CDR2L: variants seen among roughly 807,000 people sequenced by gnomAD.
CDR2L encodes cerebellar degeneration related protein 2 like.
A neutral mutation model predicts 36.1 loss-of-function variants in CDR2L; 19 were observed. The ratio of observed to expected loss-of-function variants is 0.53; its 90% CI spans 0.37 to 0.77. CDR2L has a LOEUF of 0.77. CDR2L is among the 30% of genes least tolerant of loss of function. The pLI is 0.00. For missense variants in CDR2L, 575 were observed against 627.2 expected (o/e 0.92, Z 0.89); for synonymous variants, 285 against 280.4 (o/e 1.02, Z -0.16).
At chr17:74,996,134 C>A (rs2039823920) in intron 1 of CDR2L, among the ~76,000 whole-genome samples, 1 of 150,862 alleles carries the variant, frequency 6.6e-6, no homozygotes, top group South Asian at 2.1e-4. Context: ...ATTTTTATCA[C>A]CCTGCCTCGT....
At chr17:74,988,635 A>G (rs748800636) in intron 1 of CDR2L, among the ~76,000 whole-genome samples, 4 of 152,202 alleles carry the variant, frequency 2.6e-5, no homozygotes, top group Non-Finnish European at 5.9e-5. Flanking sequence ...CTCAGGGAGA[A>G]GTGGTACCGC....
At position 74,989,287 on chromosome 17, in the gene CDR2L, G is replaced by A. The variant is rs1156694339; in HGVS notation, c.79+1165G>A. On this transcript the variant is annotated intron_variant, in intron 1 of 4. Transcript: ENST00000337231. The surrounding 1 kb of genome is among the most constrained non-coding windows in gnomAD (Gnocchi z 4.2). ...GCTCTGTCCTTGTGCTGAGGACAAG[G>A]GTTAATCATAGCCTCAGGGGGACCA... Among the ~76,000 whole-genome samples, 1 of 152,160 alleles carries A rather than the reference G, an allele frequency of 6.6e-6. No individual in the cohort carries two copies. The highest frequency in any genetic ancestry group is 2.4e-5 in the African/African-American group (1 of 41,426).
rs956192235 is a variant in CDR2L, at chr17:75,003,218, T to C, written c.542T>C (p.Leu181Pro). Residue 181 changes from leucine to proline, a missense_variant, in exon 5 of 5, where the codon CTG (leucine) becomes CCG (proline). Physicochemically the swap from Leu to Pro is moderately conservative, Grantham distance 98 (BLOSUM62 -3). Transcript: ENST00000337231. ...KDAFRLHSSSLELGPRPLEQE... is the reference protein window; with the variant it reads ...KDAFRLHSSSPELGPRPLEQE... ...GCTTTCCGCCTACACAGTTCCTCCC[T>C]GGAGCTGGGCCCGCGGCCCCTGGAG... is the stretch of plus-strand genomic sequence containing the variant. 13 of 1,566,714 alleles carry C rather than the reference T, an allele frequency of 8.3e-6. No individual in the cohort carries two copies. Among genetic ancestry groups the C allele is most frequent in the Non-Finnish European group, 9.5e-6 (11 of 1,156,838 alleles).
Position 75,003,773 on chromosome 17 carries a change from A to G in CDR2L, c.1097A>G (p.Lys366Arg). 6.6e-7 allele frequency: 1 copy of G among 1,513,358 alleles called. No homozygotes were observed. The highest frequency in any genetic ancestry group is 2.0e-4 in the Middle Eastern group (1 of 5,010). 93.7% of individuals were successfully genotyped at this position (1,513,358 alleles called of 1,614,324 possible). A position where few individuals can be genotyped will look rare whatever the true frequency, so the allele number is the denominator to read the frequency against. ...GAGCAGTACCACGCGCTGCTGGAGAAGTACGAGGAGCTGCTGAGCAAGTGC... is the reference window on the plus strand; with the variant it reads ...GAGCAGTACCACGCGCTGCTGGAGAGGTACGAGGAGCTGCTGAGCAAGTGC... ...VDEQYHALLE[K>R]YEELLSKCRQ... The change falls in exon 5 of 5, where the codon AAG becomes AGG. Residue 366 changes from lysine (K) to arginine (R), a missense_variant. Physicochemically the swap from Lys to Arg is conservative, Grantham distance 26. Coordinates refer to ENST00000337231, the MANE Select transcript of CDR2L (RefSeq NM_014603.3).
In CDR2L at chr17:75,001,460, G is replaced by A; in HGVS notation, c.312G>A (p.Glu104=). 6.3e-7 allele frequency: 1 copy of A among 1,587,526 alleles called. No homozygotes were observed. The highest frequency in any genetic ancestry group is 8.6e-7 in the Non-Finnish European group (1 of 1,168,902). The part of the protein sequence containing the change: ...LELTNHRLVL[E]SKAAQQKIHG... ...TGACCAACCACAGGCTGGTGCTGGA[G>A]AGTAAGGCTGCCCAGCAGAAGATCC... The change falls in exon 3 of 5, where the codon GAG becomes GAA. Residue 104 remains glutamate (E), a synonymous_variant. Transcript: ENST00000337231.
intron 2 of CDR2L, among the ~76,000 whole-genome samples, chr17:75,000,339 C>T (rs945291992): frequency 5.9e-5 from 8 of 134,646 alleles, no homozygotes; most frequent in Non-Finnish European, 1.1e-4. Context: ...ACTCTGTCAC[C>T]CAGGCTGGAG....
chr17:74,997,438 G>A (rs997343193), intron 1 of CDR2L, among the ~76,000 whole-genome samples: 3 of 152,100 alleles, frequency 2.0e-5, no homozygotes, highest in Non-Finnish European at 4.4e-5. Context: ...CTCCCGGGGA[G>A]AGTGAAGCTC....
chr17:74,996,182 A>G (rs539978415), intron 1 of CDR2L, among the ~76,000 whole-genome samples: 71 of 152,134 alleles, frequency 4.7e-4, no homozygotes, highest in African/African-American at 1.7e-3. Context: ...AGTGACTCAC[A>G]CCTGTAATTC....
In CDR2L at chr17:74,988,093, C is replaced by A; in HGVS notation, c.50C>A (p.Ser17Tyr). 1 of 1,533,524 alleles carries A rather than the reference C, an allele frequency of 6.5e-7. No homozygotes were observed. Among genetic ancestry groups the A allele is most frequent in the East Asian group, 2.6e-5 (1 of 38,192 alleles). The allele number at this position is 1,533,524 out of a possible 1,614,324, so 95.0% of individuals were successfully genotyped here. ...GACTTCTCCGCGGAGGAAGAGGAGT[C>A]CTGGTACGACCAGCAGGACCTGGAG... ...MEDFSAEEEE[S>Y]WYDQQDLEQD... The change falls in exon 1 of 5, where the codon TCC (serine) becomes TAC (tyrosine). Residue 17 changes from serine to tyrosine, a missense_variant. Physicochemically the swap from Ser to Tyr is moderately radical, Grantham distance 144. Transcript: ENST00000337231.
Position 75,003,457 on chromosome 17 carries a change from A to C in CDR2L, c.781A>C (p.Lys261Gln), listed in dbSNP as rs2039880994. ...GGAGCTGCAGCAGATGAAGCAGGCC[A>C]AGACCTACCTACTGGGTCCGGACGA... ...LLELQQMKQA[K>Q]TYLLGPDDHL... Residue 261 changes from lysine to glutamine, a missense_variant, in exon 5 of 5, where the codon AAG becomes CAG. Physicochemically the swap from Lys to Gln is moderately conservative, Grantham distance 53. Transcript: ENST00000337231. 2 of 1,577,780 alleles carry C rather than the reference A, an allele frequency of 1.3e-6. No individual in the cohort carries two copies. Among genetic ancestry groups the C allele is most frequent in the Non-Finnish European group, 1.7e-6 (2 of 1,162,940 alleles).
intron 1 of CDR2L, among the ~76,000 whole-genome samples, chr17:74,991,816 G>A (rs1030549391): frequency 1.3e-5 from 2 of 152,222 alleles, no homozygotes; most frequent in African/African-American, 2.4e-5. Context: ...GGCGTGGCAG[G>A]CCCTGTGCGT....
At chr17:74,999,378 A>G in intron 1 of CDR2L, 126 bp from the exon 2 acceptor site, 1 of 650,246 alleles carries the variant, frequency 1.5e-6, no homozygotes, top group East Asian at 2.9e-5. Flanking sequence ...CTCCTGGCTT[A>G]CCTCTCCTCC....
At chr17:74,992,671 CCA>C (rs2144857420) in intron 1 of CDR2L, among the ~76,000 whole-genome samples, 1 of 152,348 alleles carries the variant, frequency 6.6e-6, no homozygotes, top group Non-Finnish European at 1.5e-5. Flanking sequence ...GCGCTGTGAT[CCA>C]GTTTCCCTAA....
At chr17:74,997,893 C>A (rs1270852427) in intron 1 of CDR2L, among the ~76,000 whole-genome samples, 7 of 146,432 alleles carry the variant, frequency 4.8e-5, no homozygotes, top group Non-Finnish European at 7.5e-5. Flanking sequence ...TGCCTGTAAT[C>A]CCGGCATAAA....
At chr17:74,998,062 T>TA (rs1008967983) in intron 1 of CDR2L, among the ~76,000 whole-genome samples, 10 of 150,228 alleles carry the variant, frequency 6.7e-5, no homozygotes, top group African/African-American at 1.2e-4. Context: ...CTACTAAAAA[T>TA]AAAAAAAAAT....
At chr17:75,001,263 A>T (rs1300754747) in intron 2 of CDR2L, 78 bp from the exon 3 acceptor site, 26 of 1,376,504 alleles carry the variant, frequency 1.9e-5, no homozygotes, top group Middle Eastern at 1.9e-4. Flanking sequence ...AAGACAAAAA[A>T]AGAAGTAGGA....
chr17:75,000,834 C>T (rs965648378), intron 2 of CDR2L, among the ~76,000 whole-genome samples: 4 of 146,942 alleles, frequency 2.7e-5, no homozygotes, highest in East Asian at 4.3e-4. Context: ...GAATGGTTGG[C>T]GTGAACCCAA....
Position 75,005,241 on chromosome 17 carries a change from CAGG to C in CDR2L, c.*1170_*1172del, listed in dbSNP as rs1401168199. ...GGGGCTTTTGAGGACCCAGCTGCGT[CAGG>C]AGTTTTGCTTCAAGATGTCAGAAAG... is the stretch of plus-strand genomic sequence containing the variant. On this transcript the variant is annotated 3_prime_UTR_variant, in exon 5 of 5. Transcript: ENST00000337231. This position sits in a 1 kb window ranked among gnomAD's most constrained non-coding sequence, Gnocchi z 4.2. The C allele has an allele frequency of 1.3e-5, 2 of 152,326 alleles. No individual in the cohort carries two copies. Among genetic ancestry groups the C allele is most frequent in the East Asian group, 3.9e-4 (2 of 5,192 alleles). 9.4% of individuals were successfully genotyped at this position (152,326 alleles called of 1,614,324 possible). A position where few individuals can be genotyped will look rare whatever the true frequency, so the allele number is the denominator to read the frequency against.
chr17:74,991,493 G>C (rs2039796619), intron 1 of CDR2L, among the ~76,000 whole-genome samples: 2 of 151,264 alleles, frequency 1.3e-5, no homozygotes, highest in Non-Finnish European at 2.9e-5. Flanking sequence ...CGAGGCGGAT[G>C]GATCACAACA....
Sources: gnomAD v4.1 joint callset for allele counts (sites outside exome capture counted in the v4.1 genomes callset) on GRCh38, gnomAD v4.1.1 for gene constraint, Gnocchi (gnomAD v3.1) non-coding constraint, MANE v1.5 for transcripts, NCBI Gene and HGNC (gene_info 2026-07-23, HGNC 2026-07-21) for gene names.